The following EFCAB7 variants were observed in gnomAD, a reference collection of about 807,000 sequenced individuals.
The protein encoded by EFCAB7 is EF-hand calcium-binding domain-containing protein 7.
EFCAB7 carries 66 observed loss-of-function variants against 77.1 expected under a neutral mutation model. The observed-to-expected ratio is 0.86, with a 90% CI of 0.70 to 1.05. The LOEUF is 1.05. Among genes scored for constraint, EFCAB7 ranks in the 50% least tolerant of loss-of-function variants. EFCAB7 has a pLI of 0.00. For synonymous variants in EFCAB7, 225 were observed against 243.3 expected (o/e 0.92, Z 0.70); for missense variants, 638 against 730.5 (o/e 0.87, Z 1.46).
intron 6 of EFCAB7, among the ~76,000 whole-genome samples, chr1:63,537,749 C>T (rs1329856213): frequency 6.6e-6 from 1 of 152,100 alleles, no homozygotes; most frequent in African/African-American, 2.4e-5. Context: ...TCTTATCATA[C>T]CCCAAAGCAA....
chr1:63,575,115 C>G (rs1034558092), downstream of EFCAB7, among the ~76,000 whole-genome samples: 2 of 152,020 alleles, frequency 1.3e-5, no homozygotes, highest in African/African-American at 2.4e-5. Flanking sequence ...ATCTAACATG[C>G]AGTTTTAAAT....
At chr1:63,579,095 G>A in the EFCAB7 span, among the ~76,000 whole-genome samples, 5 of 151,816 alleles carry the variant, frequency 3.3e-5, no homozygotes, top group Non-Finnish European at 5.9e-5. Flanking sequence ...TTGGGGGGAA[G>A]CTTTCACAGT....
the EFCAB7 span, among the ~76,000 whole-genome samples, chr1:63,580,621 T>C: frequency 1.3e-5 from 2 of 152,198 alleles, no homozygotes; most frequent in Non-Finnish European, 2.9e-5. Context: ...AAATAAATCC[T>C]GCTGGGATTT....
intron 3 of EFCAB7, 150 bp downstream of exon 3, chr1:63,532,181 CCTT>C: frequency 1.5e-6 from 1 of 654,896 alleles, no homozygotes; most frequent in Non-Finnish European, 2.6e-6. Flanking sequence ...ACTTAGGAAT[CCTT>C]CTGGATGAAA....
downstream of EFCAB7, among the ~76,000 whole-genome samples, chr1:63,574,081 G>A (rs1029567280): frequency 6.6e-5 from 10 of 152,148 alleles, no homozygotes; most frequent in Non-Finnish European, 1.0e-4. Context: ...TGTCTACCCC[G>A]ACCAAGAGGT....
intron 11 of EFCAB7, among the ~76,000 whole-genome samples, chr1:63,562,986 C>A (rs1325934386): frequency 2.0e-5 from 3 of 152,026 alleles, no homozygotes; most frequent in African/African-American, 7.2e-5. Context: ...TCTATTCTTT[C>A]CCCATTTTTA....
downstream of EFCAB7, among the ~76,000 whole-genome samples, chr1:63,574,439 AG>A (rs1046671820): frequency 1.3e-5 from 2 of 152,174 alleles, no homozygotes; most frequent in Admixed American, 6.5e-5. Context: ...AGTTTCAGTG[AG>A]GGAGTAGGTG....
At chr1:63,578,656 C>T in the EFCAB7 span, among the ~76,000 whole-genome samples, 40 of 151,998 alleles carry the variant, frequency 2.6e-4, no homozygotes, top group African/African-American at 9.2e-4. Context: ...TTAGCCAGGA[C>T]GGTCTCGATT....
chr1:63,539,145 G>A (rs1406117126), intron 6 of EFCAB7, among the ~76,000 whole-genome samples: 3 of 152,092 alleles, frequency 2.0e-5, no homozygotes, highest in African/African-American at 7.2e-5. Flanking sequence ...TTAATCTGTG[G>A]CACTGCCCCA....
rs906698807 is a variant in EFCAB7 at position 63,557,206 on chromosome 1, G to A, written c.1307G>A (p.Ser436Asn). Residue 436 changes from serine (S) to asparagine (N), a missense_variant, in exon 10 of 14, where the codon AGT becomes AAT. Ser to Asn is a conservative substitution (Grantham distance 46). Transcript: ENST00000371088. ...EEYNFFELRT[S>N]GEKCDEDAWA... ...TATAATTTTTTTGAATTGAGAACAA[G>A]TGGTGAGAAATGTGATGAAGATGCT... 1 of 1,610,424 alleles carries A rather than the reference G, an allele frequency of 6.2e-7. No individual in the cohort carries two copies. Among genetic ancestry groups the A allele is most frequent in the Admixed American group, 1.7e-5 (1 of 59,012 alleles).
intron 10 of EFCAB7, among the ~76,000 whole-genome samples, chr1:63,559,301 C>CAAAAAAAAAAA (rs71052490): frequency 1.6e-5 from 1 of 62,232 alleles, no homozygotes; most frequent in African/African-American, 6.5e-5. Context: ...GACTCTGTCT[C>CAAAAAAAAAAA]AAAAAAAAAA....
chr1:63,531,368 T>C (rs949305647), intron 2 of EFCAB7, among the ~76,000 whole-genome samples: 3 of 152,180 alleles, frequency 2.0e-5, no homozygotes, highest in South Asian at 2.1e-4. Flanking sequence ...ATTTCCTCCT[T>C]CTTTATGGCT....
At chr1:63,564,174 C>G (rs1437781593) in intron 11 of EFCAB7, among the ~76,000 whole-genome samples, 1 of 151,910 alleles carries the variant, frequency 6.6e-6, no homozygotes, top group Non-Finnish European at 1.5e-5. Context: ...TGCAGTCTTC[C>G]CCGTCTTCCT....
At chr1:63,557,060 T>A in intron 9 of EFCAB7, 54 bp from the exon 10 acceptor site, 1 of 1,388,404 alleles carries the variant, frequency 7.2e-7, no homozygotes, top group Non-Finnish European at 9.6e-7. Flanking sequence ...AAAACCCTTC[T>A]TCAGCGTAGT....
chr1:63,562,007 G>C (rs1321270944), intron 11 of EFCAB7, 150 bp downstream of exon 11: 1 of 447,258 alleles, frequency 2.2e-6, no homozygotes, highest in Non-Finnish European at 3.7e-6. Context: ...ACATGTTTCT[G>C]TTAGTTTATA....
intron 6 of EFCAB7, among the ~76,000 whole-genome samples, chr1:63,539,335 A>G (rs1425774087): frequency 1.3e-5 from 2 of 152,196 alleles, no homozygotes; most frequent in Non-Finnish European, 2.9e-5. Flanking sequence ...AAATTTAAGA[A>G]ATTTTGCAGC....
rs1647020649 is a variant in EFCAB7 at position 63,555,501 on chromosome 1, T to G, written c.1200T>G (p.Leu400=). The G allele has an allele frequency of 6.2e-7, 1 of 1,611,698 alleles. No homozygotes were observed. The highest frequency in any genetic ancestry group is 8.5e-7 in the Non-Finnish European group (1 of 1,179,010). ...GAGATGAAACAGGGGAATTATTCCTTACAAAGGAATTTAAGTAAGTTTTGT... is the reference window on the plus strand; with the variant it reads ...GAGATGAAACAGGGGAATTATTCCTGACAAAGGAATTTAAGTAAGTTTTGT... The part of the protein sequence containing the change: ...VYRDETGELF[L]TKEFKSTLSD... Residue 400 remains leucine (L), a synonymous_variant, in exon 9 of 14, where the codon CTT becomes CTG. Transcript: ENST00000371088.
At chr1:63,553,697 A>T (rs1394486554) in intron 8 of EFCAB7, among the ~76,000 whole-genome samples, 1 of 152,172 alleles carries the variant, frequency 6.6e-6, no homozygotes, top group Non-Finnish European at 1.5e-5. Context: ...TCAAAATAGG[A>T]CCTGGTGACC....
chr1:63,570,225 C>G (rs1647221888), intron 12 of EFCAB7: 1 of 152,138 alleles, frequency 6.6e-6, no homozygotes, highest in African/African-American at 2.4e-5. Flanking sequence ...ATACTACCCC[C>G]TTTATAGTCA....
Sources: allele counts gnomAD v4.1 joint callset (sites outside exome capture counted in the v4.1 genomes callset), GRCh38; gene constraint gnomAD v4.1.1; transcripts MANE v1.5; gene names NCBI Gene and HGNC (gene_info 2026-07-23, HGNC 2026-07-21).